The following POU2F2 variants were observed in gnomAD, a reference collection of about 807,000 sequenced individuals.
POU2F2 encodes POU class 2 homeobox 2.
In POU2F2, 14 loss-of-function variants were observed where a neutral mutation model predicts 63.5. That is an observed-to-expected ratio of 0.22 (90% CI 0.15 to 0.34). The LOEUF (loss-of-function observed/expected upper bound fraction) is 0.34, where lower values mean the gene tolerates loss of function less well. POU2F2 is among the 10% of genes least tolerant of loss of function. POU2F2 has a pLI of 1.00. For synonymous variants in POU2F2, 306 were observed against 348.6 expected (o/e 0.88, Z 1.36); for missense variants, 607 against 815.2 (o/e 0.74, Z 3.11).
intron 1 of POU2F2, among the ~76,000 whole-genome samples, chr19:42,185,848 A>AAC (rs542603129): frequency 1.3e-3 from 200 of 152,246 alleles, no homozygotes; most frequent in Admixed American, 3.9e-3. Context: ...TATAAATCAC[A>AAC]ACACTATAGT....
intron 1 of POU2F2, among the ~76,000 whole-genome samples, chr19:42,189,378 T>C (rs1188287434): frequency 6.6e-6 from 1 of 152,180 alleles, no homozygotes; most frequent in Non-Finnish European, 1.5e-5. Context: ...CATGAGCTTA[T>C]GTGACAGGAG....
Position 42,153,707 on chromosome 19 carries a change from G to A in POU2F2, c.-9+6625C>T, listed in dbSNP as rs1190655489. Among the ~76,000 whole-genome samples, 1 of 152,158 alleles carries A rather than the reference G, an allele frequency of 6.6e-6. No individual in the cohort carries two copies. The highest frequency in any genetic ancestry group is 1.5e-5 in the Non-Finnish European group (1 of 68,032). On this transcript the variant is annotated intron_variant, in intron 2 of 6. Transcript: ENST00000524801. The surrounding 1 kb of genome is among the most constrained non-coding windows in gnomAD (Gnocchi z 5.6). ...TCCCTGTGTGCCGATGGTCGAGTGT[G>A]TTTCCACAAGTGGGCTGGAGGCTCT...
At chr19:42,161,759 G>A (rs1381720080) in intron 1 of POU2F2, among the ~76,000 whole-genome samples, 1 of 152,086 alleles carries the variant, frequency 6.6e-6, no homozygotes, top group African/African-American at 2.4e-5. Context: ...ATCTTCAGGG[G>A]CAGAAGGGGA....
intron 1 of POU2F2, among the ~76,000 whole-genome samples, chr19:42,171,790 G>A (rs1443484999): frequency 6.6e-6 from 1 of 152,100 alleles, no homozygotes; most frequent in Non-Finnish European, 1.5e-5. Flanking sequence ...AGGATCCTGA[G>A]AGTGTGGACT....
In POU2F2 at chr19:42,156,933, C is replaced by A. The variant is rs2034468179; in HGVS notation, c.-9+3399G>T. Reference sequence around the variant, plus strand: ...CTTCCGAGGCATTCAGGACTCCCCTCAGGGTGTGTGAGCACCCTGGGGCAC... The same window carrying A: ...CTTCCGAGGCATTCAGGACTCCCCTAAGGGTGTGTGAGCACCCTGGGGCAC... On this transcript the variant is annotated intron_variant, in intron 2 of 6. Coordinates refer to the POU2F2 transcript ENST00000524801. The surrounding 1 kb of genome is among the most constrained non-coding windows in gnomAD (Gnocchi z 4.1). 1 of 152,286 alleles carries A rather than the reference C, an allele frequency of 6.6e-6. No homozygotes were observed. Among genetic ancestry groups the A allele is most frequent in the Non-Finnish European group, 1.5e-5 (1 of 68,076 alleles). The allele number at this position is 152,286 out of a possible 1,614,324, so 9.4% of individuals were successfully genotyped here. A position where few individuals can be genotyped will look rare whatever the true frequency, so the allele number is the denominator to read the frequency against.
At chr19:42,112,143 G>T (rs906211693) in intron 5 of POU2F2, among the ~76,000 whole-genome samples, 1 of 152,234 alleles carries the variant, frequency 6.6e-6, no homozygotes, top group African/African-American at 2.4e-5. Context: ...CCTGGGCCAG[G>T]CTCCTGGACT....
At chr19:42,147,739 T>C (rs1346894351) in intron 2 of POU2F2, among the ~76,000 whole-genome samples, 4 of 152,174 alleles carry the variant, frequency 2.6e-5, no homozygotes, top group East Asian at 1.9e-4. Context: ...AGGATCCAAA[T>C]AGTCAATGAA....
At position 42,162,356 on chromosome 19, in the gene POU2F2, C is replaced by T. The variant is rs1250454261; in HGVS notation, c.-69-1964G>A. ...CAGACAACACCTCCAAGTAGAGAGACAGTCCATGGGATCTAGGAGCTGTAT... is the reference window on the plus strand; with the variant it reads ...CAGACAACACCTCCAAGTAGAGAGATAGTCCATGGGATCTAGGAGCTGTAT... On this transcript the variant is annotated intron_variant, in intron 1 of 6. Coordinates refer to the POU2F2 transcript ENST00000524801. The surrounding 1 kb of genome is among the most constrained non-coding windows in gnomAD (Gnocchi z 4.1). 6.6e-6 allele frequency among the ~76,000 whole-genome samples: 1 copy of T among 152,132 alleles called. No individual in the cohort carries two copies. The highest frequency in any genetic ancestry group is 1.5e-5 in the Non-Finnish European group (1 of 68,018).
At position 42,099,828 on chromosome 19, in the gene POU2F2, G is replaced by C; in HGVS notation, c.370-7C>G. ...GGAGGAGCTGCTGTATGTCCTGGCA[G>C]GGAGTGGGGTGGACAGAAAGATAGC... is the stretch of plus-strand genomic sequence containing the variant. On this transcript the variant is annotated splice_polypyrimidine_tract_variant and splice_region_variant and intron_variant, in intron 5 of 14. Transcript: ENST00000692977. 1 of 1,555,520 alleles carries C rather than the reference G, an allele frequency of 6.4e-7. No homozygotes were observed.
intron 5 of POU2F2, chr19:42,110,867 C>T: frequency 2.7e-6 from 1 of 375,166 alleles, no homozygotes; most frequent in Non-Finnish European, 5.5e-6. Context: ...ATTTCTCTCC[C>T]AGGGCCTCAG....
chr19:42,114,858 G>A (rs901643907), intron 5 of POU2F2, among the ~76,000 whole-genome samples: 2 of 152,166 alleles, frequency 1.3e-5, no homozygotes, highest in African/African-American at 4.8e-5. Context: ...GGCTACATCT[G>A]GGCTGAGCAC....
intron 1 of POU2F2, among the ~76,000 whole-genome samples, chr19:42,170,546 G>T (rs1042227185): frequency 6.6e-6 from 1 of 152,092 alleles, no homozygotes; most frequent in Admixed American, 6.5e-5. Context: ...AACAAGAAAG[G>T]TCCCTGAACA....
At position 42,155,454 on chromosome 19, in the gene POU2F2, G is replaced by A. The variant is rs1442894814; in HGVS notation, c.-9+4878C>T. Among the ~76,000 whole-genome samples the A allele has an allele frequency of 1.3e-5, 2 of 151,966 alleles. No individual in the cohort carries two copies. The highest frequency in any genetic ancestry group is 2.9e-5 in the Non-Finnish European group (2 of 67,988). Reference sequence around the variant, plus strand: ...TCCCCTTTCTTAGACAATCCCTCTGGCCCTCCTATCCACCTCGTCCCCAAG... The same window carrying A: ...TCCCCTTTCTTAGACAATCCCTCTGACCCTCCTATCCACCTCGTCCCCAAG... On this transcript the variant is annotated intron_variant, in intron 2 of 6. Transcript: ENST00000524801. The surrounding 1 kb of genome is among the most constrained non-coding windows in gnomAD (Gnocchi z 4.2).
chr19:42,106,787 AGAGGAGGAG>A (rs1488119802), intron 5 of POU2F2, among the ~76,000 whole-genome samples: 1 of 133,688 alleles, frequency 7.5e-6, no homozygotes, highest in Non-Finnish European at 1.6e-5. Context: ...AGAAGGAGGA[AGAGGAGGAG>A]GAGGAGGAAG....
chr19:42,158,501 G>A (rs912471765), intron 2 of POU2F2, among the ~76,000 whole-genome samples: 14 of 152,176 alleles, frequency 9.2e-5, no homozygotes, highest in Admixed American at 3.9e-4. Flanking sequence ...TTGCCTTCAC[G>A]CTCTGTGCCT....
chr19:42,182,279 A>AGAGG (rs2034970855), intron 1 of POU2F2, among the ~76,000 whole-genome samples: 1 of 150,420 alleles, frequency 6.6e-6, no homozygotes, highest in Non-Finnish European at 1.5e-5. Flanking sequence ...AGAGAGAGAG[A>AGAGG]GACCTGGAAC....
intron 1 of POU2F2, among the ~76,000 whole-genome samples, chr19:42,170,005 G>T (rs2146799789): frequency 6.6e-6 from 1 of 152,184 alleles, no homozygotes; most frequent in South Asian, 2.1e-4. Context: ...AGTGGTGGGG[G>T]AGGGGCTGGT....
chr19:42,132,258 G>T, intron 1 of POU2F2, 126 bp downstream of exon 1: 2 of 1,081,452 alleles, frequency 1.8e-6, no homozygotes, highest in Non-Finnish European at 2.6e-6. Flanking sequence ...GAGAGAGGGA[G>T]TTGCTAGAGT....
Position 42,127,125 on chromosome 19 carries a change from T to A in POU2F2, c.29-4549A>T, listed in dbSNP as rs578253363. ...CACATCCAGCTAATTAAAAAAAAAA[T>A]TTTTTTTTTTTGTAGAGACGGGTCT... On this transcript the variant is annotated intron_variant, in intron 1 of 14. Transcript: ENST00000692977. Among the ~76,000 whole-genome samples, 1,198 of 146,842 alleles carry A rather than the reference T, an allele frequency of 8.2e-3. 16 individuals are homozygous for A. The highest frequency in any genetic ancestry group is 0.028 in the African/African-American group (1,133 of 40,324).
Sources: allele counts gnomAD v4.1 joint callset (sites outside exome capture counted in the v4.1 genomes callset), GRCh38; gene constraint gnomAD v4.1.1; non-coding constraint Gnocchi (gnomAD v3.1); transcripts MANE v1.5; gene names NCBI Gene and HGNC (gene_info 2026-07-23, HGNC 2026-07-21).